EPGN: variants seen among roughly 807,000 people sequenced by gnomAD.
The protein encoded by EPGN is epigen.
A neutral mutation model predicts 20.7 loss-of-function variants in EPGN; 21 were observed. The observed-to-expected ratio is 1.01, with a 90% CI of 0.72 to 1.46. The LOEUF (loss-of-function observed/expected upper bound fraction) is 1.46, where lower values mean the gene tolerates loss of function less well. Ranked by LOEUF, EPGN falls within the 40% of genes most tolerant of loss-of-function variation. The pLI is 0.00. For synonymous variants in EPGN, 69 were observed against 63.8 expected, an observed-to-expected ratio of 1.08 and a Z score of -0.39; for missense variants, 199 against 180.7, an observed-to-expected ratio of 1.10 and a Z score of -0.58.
intron 2 of EPGN, among the ~76,000 whole-genome samples, chr4:74,311,483 T>G (rs1380993307): frequency 6.6e-6 from 1 of 152,176 alleles, no homozygotes; most frequent in Non-Finnish European, 1.5e-5. Context: ...ACAAGTAAGA[T>G]TCTCTTAATC....
intron 4 of EPGN, chr4:74,313,553 G>A (rs1751107290): frequency 1.7e-5 from 18 of 1,060,484 alleles, no homozygotes; most frequent in Non-Finnish European, 2.0e-5. Flanking sequence ...GTAAATATTT[G>A]TTGAGTGAAA....
intron 2 of EPGN, among the ~76,000 whole-genome samples, chr4:74,310,916 T>G (rs1750896845): frequency 6.6e-6 from 1 of 152,198 alleles, no homozygotes; most frequent in African/African-American, 2.4e-5. Context: ...AGATGCTTTT[T>G]TTTCAAATAT....
intron 1 of EPGN, among the ~76,000 whole-genome samples, 185 bp from the exon 2 acceptor site, chr4:74,308,908 T>A (rs930519600): frequency 6.6e-6 from 1 of 152,216 alleles, no homozygotes; most frequent in African/African-American, 2.4e-5. Context: ...TTTGCTTTAA[T>A]CCTAATATAG....
intron 1 of EPGN, 83 bp from the exon 2 acceptor site, chr4:74,309,010 A>G (rs946296400): frequency 4.8e-6 from 5 of 1,032,564 alleles, no homozygotes; most frequent in Non-Finnish European, 7.3e-6. Flanking sequence ...AATTGGAATA[A>G]ACAGAATAAG....
chr4:74,313,544 T>C, intron 4 of EPGN: 1 of 1,073,406 alleles, frequency 9.3e-7, no homozygotes, highest in Non-Finnish European at 1.1e-6. Flanking sequence ...ACACACTGAG[T>C]AAATATTTGT....
rs920403511 is a variant in EPGN, at chr4:74,309,299, C to T, written c.133+117C>T. Reference sequence around the variant, plus strand: ...AATATATATTTTATTATTAGATAATCAGCTCTTTTAGCAGGATGCTGTTAA... The same window carrying T: ...AATATATATTTTATTATTAGATAATTAGCTCTTTTAGCAGGATGCTGTTAA... On this transcript the variant is annotated intron_variant, in intron 2 of 4. Coordinates refer to ENST00000413830, the MANE Select transcript of EPGN (RefSeq NM_001270989.2). 11 of 691,102 alleles carry T rather than the reference C, an allele frequency of 1.6e-5. No individual in the cohort carries two copies. The South Asian group carries it at 3.1e-4, about 19-fold the overall frequency. 42.8% of individuals were successfully genotyped at this position (691,102 alleles called of 1,614,324 possible).
At position 74,309,172 on chromosome 4, in the gene EPGN, C is replaced by T; in HGVS notation, c.123C>T (p.Asn41=). ...ITAQQGNWTV[N]KTEADNIEGP... is the part of the protein sequence containing the mutation. Reference sequence around the variant, plus strand: ...CCCAGCAAGGTAACTGGACAGTTAACAAAACAGAAGGTATTTTCTTCCCAT... The same window carrying T: ...CCCAGCAAGGTAACTGGACAGTTAATAAAACAGAAGGTATTTTCTTCCCAT... The change falls in exon 2 of 5, where the codon AAC becomes AAT. Residue 41 remains asparagine (N), a synonymous_variant. Coordinates refer to ENST00000413830, the MANE Select transcript of EPGN (RefSeq NM_001270989.2). The T allele has an allele frequency of 6.2e-7, 1 of 1,611,812 alleles. No homozygotes were observed. The highest frequency in any genetic ancestry group is 8.5e-7 in the Non-Finnish European group (1 of 1,178,700).
intron 1 of EPGN, 48 bp from the exon 2 acceptor site, chr4:74,309,045 C>T: frequency 7.4e-7 from 1 of 1,342,584 alleles, no homozygotes; most frequent in Non-Finnish European, 1.1e-6. Flanking sequence ...GTTGCTTGTA[C>T]ATAGAAGGAG....
rs1469398938 is a variant in EPGN at position 74,315,890 on chromosome 4, T to G, written c.*1253T>G. The stretch of plus-strand genomic sequence containing the variant: ...TCACTTGAACCCAGGAGGCAGAGGT[T>G]GTAGTGAGCCGAGATGGCAACCCTG... On this transcript the variant is annotated 3_prime_UTR_variant, in exon 5 of 5. Transcript: ENST00000413830. 6.6e-6 allele frequency among the ~76,000 whole-genome samples: 1 copy of G among 150,596 alleles called. No homozygotes were observed. The highest frequency in any genetic ancestry group is 1.5e-5 in the Non-Finnish European group (1 of 67,798).
At chr4:74,308,987 T>G in intron 1 of EPGN, 106 bp from the exon 2 acceptor site, 2 of 853,978 alleles carry the variant, frequency 2.3e-6, no homozygotes, top group Non-Finnish European at 3.7e-6. Context: ...CTGTAATAAA[T>G]TAAAAAAATA....
intron 2 of EPGN, among the ~76,000 whole-genome samples, chr4:74,311,815 A>C (rs1223968157): frequency 2.0e-5 from 3 of 152,210 alleles, no homozygotes; most frequent in African/African-American, 4.8e-5. Context: ...ATTATGTGAG[A>C]TCTTCTATGT....
intron 2 of EPGN, among the ~76,000 whole-genome samples, chr4:74,310,461 C>CAAAAAAAAA (rs10586282): frequency 2.3e-5 from 1 of 43,186 alleles, no homozygotes; most frequent in Non-Finnish European, 6.4e-5. Flanking sequence ...GAGTCCGTCT[C>CAAAAAAAAA]AAAAAAAAAA....
intron 2 of EPGN, among the ~76,000 whole-genome samples, chr4:74,310,562 C>T (rs1750870676): frequency 6.7e-6 from 1 of 149,992 alleles, no homozygotes; most frequent in Non-Finnish European, 1.5e-5. Context: ...ATGCTCAGTA[C>T]TAAATTTTTT....
Position 74,313,174 on chromosome 4 carries a change from T to C in EPGN, c.407+4T>C, listed in dbSNP as rs375409954. 19 of 1,607,136 alleles carry C rather than the reference T, an allele frequency of 1.2e-5. No homozygotes were observed. In the African/African-American group the frequency reaches 1.9e-4, roughly 16 times the overall value. The stretch of plus-strand genomic sequence containing the variant: ...TTTACTGCTATATAAGAAAGAGGTA[T>C]GAAAAAGACAAAATATGAAGTCACT... On this transcript the variant is annotated splice_donor_region_variant and intron_variant, in intron 4 of 4. Transcript: ENST00000413830.
chr4:74,315,407 C>A lies in EPGN; in HGVS notation c.*770C>A, dbSNP rs1751223349. 1 of 152,188 alleles carries A rather than the reference C, an allele frequency of 6.6e-6. No homozygotes were observed. Among genetic ancestry groups the A allele is most frequent in the African/African-American group, 2.4e-5 (1 of 41,434 alleles). The allele number at this position is 152,188 out of a possible 1,614,324, so 9.4% of individuals were successfully genotyped here. A position where few individuals can be genotyped will look rare whatever the true frequency, so the allele number is the denominator to read the frequency against. On this transcript the variant is annotated 3_prime_UTR_variant, in exon 5 of 5. Coordinates refer to ENST00000413830, the MANE Select transcript of EPGN (RefSeq NM_001270989.2). Reference sequence around the variant, plus strand: ...GTGTTGGACTCATTGGTCCCTAATGCTTTTGTTCATCACTTCTTCCAGTTA... The same window carrying A: ...GTGTTGGACTCATTGGTCCCTAATGATTTTGTTCATCACTTCTTCCAGTTA...
intron 4 of EPGN, chr4:74,313,444 G>A (rs1751099578): frequency 1.6e-6 from 2 of 1,289,198 alleles, no homozygotes; most frequent in Non-Finnish European, 2.0e-6. Context: ...TTATAAATGA[G>A]GAGGACAGCA....
intron 4 of EPGN, chr4:74,313,658 CTGTCT>C: frequency 1.0e-6 from 1 of 964,834 alleles, no homozygotes; most frequent in Non-Finnish European, 1.2e-6. Flanking sequence ...TCAGAAGATA[CTGTCT>C]CCTGCTAAAA....
chr4:74,312,206 T>C lies in EPGN; in HGVS notation c.155T>C (p.Ile52Thr). 6.2e-7 allele frequency: 1 copy of C among 1,611,700 alleles called. No individual in the cohort carries two copies. Reference protein sequence around the residue: ...KTEADNIEGPIALKFSHLCLE... With the variant: ...KTEADNIEGPTALKFSHLCLE... Reference sequence around the variant, plus strand: ...CTAGCTGACAACATAGAAGGACCCATAGCCTTGAAGTTCTCACACCTTTGC... The same window carrying C: ...CTAGCTGACAACATAGAAGGACCCACAGCCTTGAAGTTCTCACACCTTTGC... Residue 52 changes from isoleucine (I) to threonine (T), a missense_variant, in exon 3 of 5, where the codon ATA becomes ACA. Physicochemically the swap from Ile to Thr is moderately conservative, Grantham distance 89. Coordinates refer to ENST00000413830, the MANE Select transcript of EPGN (RefSeq NM_001270989.2).
intron 4 of EPGN, 167 bp downstream of exon 4, chr4:74,313,337 A>C: frequency 7.1e-7 from 1 of 1,405,870 alleles, no homozygotes. Context: ...CTTTTCTCAT[A>C]AACCCAGACG....
Sources: gnomAD v4.1 joint callset for allele counts (sites outside exome capture counted in the v4.1 genomes callset) on GRCh38, gnomAD v4.1.1 for gene constraint, MANE v1.5 for transcripts, NCBI Gene and HGNC (gene_info 2026-07-23, HGNC 2026-07-21) for gene names.